DOCK7: variants seen among roughly 807,000 people sequenced by gnomAD.
DOCK7 encodes the protein dedicator of cytokinesis protein 7.
In DOCK7, 138 loss-of-function variants were observed where a neutral mutation model predicts 271.0. The observed-to-expected ratio is 0.51, with a 90% CI of 0.44 to 0.59. DOCK7 has a LOEUF of 0.59. Among genes scored for constraint, DOCK7 ranks in the 20% least tolerant of loss-of-function variants. The pLI is 0.00. For missense variants in DOCK7, 2,066 were observed against 2,592.4 expected, an observed-to-expected ratio of 0.80 and a Z score of 4.41; for synonymous variants, 823 against 876.1, an observed-to-expected ratio of 0.94 and a Z score of 1.07.
At chr1:62,643,279 A>G (rs1282575737) in intron 7 of DOCK7, among the ~76,000 whole-genome samples, 4 of 152,250 alleles carry the variant, frequency 2.6e-5, no homozygotes, top group Admixed American at 2.0e-4. Context: ...CCACAGAATT[A>G]TGAGAAATAC....
Position 62,636,548 on chromosome 1 carries a change from C to T in DOCK7, c.874G>A (p.Glu292Lys), listed in dbSNP as rs748005635. 1.4e-5 allele frequency: 22 copies of T among 1,597,966 alleles called. No homozygotes were observed. The East Asian group carries it at 4.9e-4, about 36-fold the overall frequency. Residue 292 changes from glutamate to lysine, a missense_variant, in exon 8 of 50, where the codon GAA becomes AAA. Physicochemically the swap from Glu to Lys is moderately conservative, Grantham distance 56. Coordinates refer to ENST00000635253, the MANE Select transcript of DOCK7 (RefSeq NM_001367561.1). ...FASLALYDVKEKKKISENFYF... is the reference protein window; with the variant it reads ...FASLALYDVKKKKKISENFYF... ...TTATATAATCTTACCTTTTTCTTTTCCTTGACATCATATAAAGCCAAACTT... is the reference window on the plus strand; with the variant it reads ...TTATATAATCTTACCTTTTTCTTTTTCTTGACATCATATAAAGCCAAACTT...
intron 31 of DOCK7, among the ~76,000 whole-genome samples, chr1:62,527,648 T>C (rs1291603250): frequency 6.7e-6 from 1 of 148,508 alleles, no homozygotes; most frequent in East Asian, 2.0e-4. Context: ...AAACACCGCA[T>C]GTTCTCACTC....
Position 62,597,918 on chromosome 1 carries a change from C to T in DOCK7, c.1683-11294G>A, listed in dbSNP as rs772744707. On this transcript the variant is annotated intron_variant, in intron 14 of 49. Coordinates refer to ENST00000635253, the MANE Select transcript of DOCK7 (RefSeq NM_001367561.1). ...AAATGAAGAGGTAAAGAATATGTCACTTGAACTCAACTCAAAACTTGAAAG... is the reference window on the plus strand; with the variant it reads ...AAATGAAGAGGTAAAGAATATGTCATTTGAACTCAACTCAAAACTTGAAAG... 2.7e-5 allele frequency: 42 copies of T among 1,553,878 alleles called. No homozygotes were observed. The highest frequency in any genetic ancestry group is 3.5e-5 in the Non-Finnish European group (40 of 1,157,472).
At chr1:62,663,538 T>C (rs1402319151) in intron 1 of DOCK7, among the ~76,000 whole-genome samples, 3 of 152,146 alleles carry the variant, frequency 2.0e-5, no homozygotes, top group Admixed American at 2.0e-4. Flanking sequence ...CACTTTAAAG[T>C]ATAAGAATTA....
chr1:62,462,219 G>T (rs1191449131), intron 48 of DOCK7, among the ~76,000 whole-genome samples: 1 of 152,084 alleles, frequency 6.6e-6, no homozygotes, highest in Non-Finnish European at 1.5e-5. Flanking sequence ...CCATATTCAT[G>T]GACTGATGTC....
chr1:62,459,784 C>A (rs1645459193), intron 48 of DOCK7, among the ~76,000 whole-genome samples: 1 of 151,960 alleles, frequency 6.6e-6, no homozygotes, highest in Admixed American at 6.6e-5. Context: ...GAATGTAATG[C>A]AATTATTCTA....
chr1:62,601,286 A>G lies in DOCK7; in HGVS notation c.1683-14662T>C, dbSNP rs34927999. 4,836 of 927,886 alleles carry G rather than the reference A, an allele frequency of 5.2e-3. 179 individuals are homozygous for G. The South Asian group carries it at 0.059, about 11-fold the overall frequency. The allele number at this position is 927,886 out of a possible 1,614,324, so 57.5% of individuals were successfully genotyped here. A position where few individuals can be genotyped will look rare whatever the true frequency, so the allele number is the denominator to read the frequency against. On this transcript the variant is annotated intron_variant, in intron 14 of 49. Transcript: ENST00000635253. The stretch of plus-strand genomic sequence containing the variant: ...TGTTCTAGACTAAAAGATAGTTAAG[A>G]GATATCCATCAAATACAATGTATCA...
intron 15 of DOCK7, chr1:62,584,370 T>C (rs954504849): frequency 2.0e-6 from 2 of 987,150 alleles, no homozygotes; most frequent in Non-Finnish European, 2.4e-6. Context: ...AATATTACAT[T>C]ATCAAAAAGT....
chr1:62,548,055 A>G (rs1391778932), intron 22 of DOCK7, among the ~76,000 whole-genome samples: 1 of 152,154 alleles, frequency 6.6e-6, no homozygotes, highest in Admixed American at 6.6e-5. Context: ...ATAAATATCT[A>G]CTGAGCACCT....
At chr1:62,567,203 A>C (rs1453360682) in intron 18 of DOCK7, among the ~76,000 whole-genome samples, 1 of 152,218 alleles carries the variant, frequency 6.6e-6, no homozygotes, top group African/African-American at 2.4e-5. Context: ...CTGGGTATAT[A>C]CCCAAAGAAT....
intron 44 of DOCK7, among the ~76,000 whole-genome samples, chr1:62,476,664 A>G (rs1645976551): frequency 6.6e-6 from 1 of 152,188 alleles, no homozygotes. Flanking sequence ...CATTTTGAAA[A>G]GGCAACCTTA....
intron 14 of DOCK7, among the ~76,000 whole-genome samples, chr1:62,615,911 T>C (rs1652381424): frequency 6.6e-6 from 1 of 151,742 alleles, no homozygotes; most frequent in Admixed American, 6.6e-5. Context: ...AAAATTTAAC[T>C]CCCAGAATAG....
intron 24 of DOCK7, among the ~76,000 whole-genome samples, chr1:62,543,119 G>A (rs1645591439): frequency 1.3e-5 from 2 of 150,468 alleles, no homozygotes; most frequent in African/African-American, 2.4e-5. Flanking sequence ...ACTTTGCTAT[G>A]AGCCATTAAT....
At chr1:62,499,996 A>C (rs1348590623) in intron 37 of DOCK7, among the ~76,000 whole-genome samples, 1 of 152,220 alleles carries the variant, frequency 6.6e-6, no homozygotes, top group African/African-American at 2.4e-5. Context: ...TCATCCAGAA[A>C]GTTTAGGCAG....
chr1:62,538,530 G>C (rs1484924560), intron 27 of DOCK7, among the ~76,000 whole-genome samples: 1 of 152,138 alleles, frequency 6.6e-6, no homozygotes, highest in Non-Finnish European at 1.5e-5. Context: ...CTCAATGTTT[G>C]ACAAATATAG....
intron 14 of DOCK7, among the ~76,000 whole-genome samples, chr1:62,590,883 A>T (rs761071512): frequency 6.6e-6 from 1 of 152,226 alleles, no homozygotes; most frequent in Non-Finnish European, 1.5e-5. Flanking sequence ...GAACACTTAT[A>T]CACTGTTGGT....
intron 14 of DOCK7, among the ~76,000 whole-genome samples, chr1:62,594,060 G>A (rs887848769): frequency 6.6e-6 from 1 of 151,924 alleles, no homozygotes; most frequent in African/African-American, 2.4e-5. Context: ...TGGTTCCTAG[G>A]AACTAGGAAT....
At chr1:62,578,557 T>C (rs1160324915) in intron 17 of DOCK7, among the ~76,000 whole-genome samples, 3 of 151,610 alleles carry the variant, frequency 2.0e-5, no homozygotes, top group African/African-American at 7.3e-5. Context: ...CCATCTCTAC[T>C]AAAAATACAA....
intron 1 of DOCK7, among the ~76,000 whole-genome samples, chr1:62,679,991 C>A (rs970684338): frequency 4.6e-5 from 7 of 152,104 alleles, no homozygotes. Context: ...CAATGCCATC[C>A]CCATCAAGCT....
Sources: gnomAD v4.1 joint callset for allele counts (sites outside exome capture counted in the v4.1 genomes callset) on GRCh38, gnomAD v4.1.1 for gene constraint, MANE v1.5 for transcripts, NCBI Gene and HGNC (gene_info 2026-07-23, HGNC 2026-07-21) for gene names.